Variants in GBF1 observed in about 807,000 individuals in gnomAD.
GBF1 encodes golgi brefeldin A resistant guanine nucleotide exchange factor 1.
Under a neutral mutation model 210.5 loss-of-function variants are expected in GBF1, and 114 were observed. The observed-to-expected ratio is 0.54, with a 90% CI of 0.47 to 0.63. The LOEUF is 0.63. Among genes scored for constraint, GBF1 ranks in the 30% least tolerant of loss-of-function variants. The pLI is 0.00. For synonymous variants in GBF1, 850 were observed against 889.2 expected, an observed-to-expected ratio of 0.96 and a Z score of 0.78; for missense variants, 1,851 against 2,357.7, an observed-to-expected ratio of 0.79 and a Z score of 4.45.
intron 3 of GBF1, among the ~76,000 whole-genome samples, chr10:102,334,721 CG>C (rs1565123077): frequency 1.3e-5 from 2 of 152,030 alleles, no homozygotes; most frequent in Non-Finnish European, 2.9e-5. Flanking sequence ...TGGTGGCTTG[CG>C]CCTGTAGTCC....
Position 102,284,132 on chromosome 10 carries a change from G to A in GBF1, c.163+24016G>A, listed in dbSNP as rs111766481. ...TCTACAAAAACTATAGAGGAGACAC[G>A]ACAGGCTTTAACTGGAAATTGTTCA... is the stretch of plus-strand genomic sequence containing the variant. On this transcript the variant is annotated intron_variant, in intron 3 of 39. Coordinates refer to ENST00000369983, the MANE Select transcript of GBF1 (RefSeq NM_001377137.1). Among the ~76,000 whole-genome samples, 12 of 152,266 alleles carry A rather than the reference G, an allele frequency of 7.9e-5. 1 individual carries two copies. The highest frequency in any genetic ancestry group is 2.4e-4 in the African/African-American group (10 of 41,552).
chr10:102,293,764 G>GTATTTTTTT (rs2076641356), intron 3 of GBF1, among the ~76,000 whole-genome samples: 1 of 50,888 alleles, frequency 2.0e-5, no homozygotes. Flanking sequence ...GCTGTAGTAT[G>GTATTTTTTT]TTTTGTGTTT....
intron 3 of GBF1, among the ~76,000 whole-genome samples, chr10:102,326,025 A>G (rs1198247375): frequency 6.6e-6 from 1 of 152,202 alleles, no homozygotes; most frequent in Non-Finnish European, 1.5e-5. Context: ...CCTATTTTAT[A>G]CGGAAAGAAC....
chr10:102,363,609 C>G lies in GBF1; in HGVS notation c.2018-101C>G. The G allele has an allele frequency of 1.2e-6, 1 of 856,968 alleles. No individual in the cohort carries two copies. The highest frequency in any genetic ancestry group is 2.0e-5 in the Admixed American group (1 of 49,758). The allele number at this position is 856,968 out of a possible 1,614,324, so 53.1% of individuals were successfully genotyped here. A position where few individuals can be genotyped will look rare whatever the true frequency, so the allele number is the denominator to read the frequency against. On this transcript the variant is annotated intron_variant, in intron 16 of 39. Coordinates refer to ENST00000369983, the MANE Select transcript of GBF1 (RefSeq NM_001377137.1). This position sits in a 1 kb window ranked among gnomAD's most constrained non-coding sequence, Gnocchi z 4.2. ...TGGTGAGGACAAGATTTCTGAGGCT[C>G]CTTCTTGAAACTGGGGAGTATATTG...
intron 18 of GBF1, among the ~76,000 whole-genome samples, chr10:102,365,918 GTGATAGAGCT>G (rs1565167791): frequency 0.011 from 1,613 of 151,984 alleles, 22 homozygotes; most frequent in African/African-American, 0.037. Context: ...TCATGCCACT[GTGATAGAGCT>G]GTGATAGAGT....
chr10:102,344,169 C>A lies in GBF1; in HGVS notation c.282C>A (p.Ser94=). The change falls in exon 4 of 40, where the codon TCC becomes TCA. Residue 94 remains serine, a synonymous_variant. Transcript: ENST00000369983. ...LALTSVNKFL[S]YALIDPTHEG... The stretch of plus-strand genomic sequence containing the variant: ...TCACCTCTGTCAACAAGTTCCTGTC[C>A]TATGCACTCATAGGTAAGAGCTCAG... 4 of 1,613,966 alleles carry A rather than the reference C, an allele frequency of 2.5e-6. No homozygotes were observed. The highest frequency in any genetic ancestry group is 2.5e-6 in the Non-Finnish European group (3 of 1,179,834).
At chr10:102,274,523 A>C (rs1034236747) in intron 3 of GBF1, among the ~76,000 whole-genome samples, 1 of 152,000 alleles carries the variant, frequency 6.6e-6, no homozygotes, top group Non-Finnish European at 1.5e-5. Context: ...CAGTCTGTGC[A>C]TCACAGACTG....
intron 39 of GBF1, 87 bp downstream of exon 39, chr10:102,381,342 G>C (rs891366537): frequency 7.1e-7 from 1 of 1,401,014 alleles, no homozygotes; most frequent in Non-Finnish European, 9.9e-7. Flanking sequence ...GAATGCTGCT[G>C]AGCAGGGTCT....
chr10:102,233,940 G>A, the GBF1 span, among the ~76,000 whole-genome samples: 3 of 152,188 alleles, frequency 2.0e-5, no homozygotes, highest in Non-Finnish European at 2.9e-5. Context: ...TGCGAGGAAG[G>A]GAAATGGGCA....
chr10:102,351,159 G>A, intron 4 of GBF1, 97 bp from the exon 5 acceptor site: 2 of 712,254 alleles, frequency 2.8e-6, no homozygotes, highest in Non-Finnish European at 5.0e-6. Context: ...TTAGGGAACT[G>A]AAGAGGAAAA....
chr10:102,301,656 C>G (rs1424673625), intron 3 of GBF1, among the ~76,000 whole-genome samples: 2 of 152,046 alleles, frequency 1.3e-5, no homozygotes. Context: ...GCGCTCCTCA[C>G]ATCCCAGATG....
intron 3 of GBF1, among the ~76,000 whole-genome samples, chr10:102,292,047 G>A (rs1035007263): frequency 4.6e-5 from 7 of 151,372 alleles, no homozygotes; most frequent in Non-Finnish European, 8.8e-5. Flanking sequence ...CCACCACCAC[G>A]CCCAGCTAAT....
chr10:102,367,241 GA>G, intron 20 of GBF1, 31 bp downstream of exon 20: 2 of 1,609,180 alleles, frequency 1.2e-6, no homozygotes, highest in Non-Finnish European at 1.7e-6. Context: ...AGGCAAAGAA[GA>G]CCCAGCACAG....
chr10:102,311,076 GT>G (rs1400197449), intron 3 of GBF1, among the ~76,000 whole-genome samples: 1 of 152,164 alleles, frequency 6.6e-6, no homozygotes, highest in Admixed American at 6.5e-5. Flanking sequence ...AGTACCCCAT[GT>G]CCAGGGAGCA....
intron 3 of GBF1, among the ~76,000 whole-genome samples, chr10:102,297,651 G>A (rs1261148085): frequency 6.6e-6 from 1 of 152,060 alleles, no homozygotes; most frequent in Admixed American, 6.5e-5. Flanking sequence ...TTTCCACTCA[G>A]ACCAAATGGA....
Position 102,379,272 on chromosome 10 carries a change from C to T in GBF1, c.4495-12C>T. 1 of 1,610,850 alleles carries T rather than the reference C, an allele frequency of 6.2e-7. No homozygotes were observed. The highest frequency in any genetic ancestry group is 8.5e-7 in the Non-Finnish European group (1 of 1,178,576). On this transcript the variant is annotated splice_polypyrimidine_tract_variant and intron_variant, in intron 33 of 39. Coordinates refer to ENST00000369983, the MANE Select transcript of GBF1 (RefSeq NM_001377137.1). The stretch of plus-strand genomic sequence containing the variant: ...AACCCCACTCACATCCTGCCCCCTC[C>T]TGTGATCCTAGTTGCTAGACCTGAT...
chr10:102,379,772 C>A, intron 35 of GBF1, 81 bp from the exon 36 acceptor site: 1 of 1,460,980 alleles, frequency 6.8e-7, no homozygotes, highest in Non-Finnish European at 9.6e-7. Context: ...CAGCTCTATG[C>A]CCATCCAGTT....
At chr10:102,277,380 T>C (rs1291166453) in intron 3 of GBF1, among the ~76,000 whole-genome samples, 1 of 150,564 alleles carries the variant, frequency 6.6e-6, no homozygotes, top group African/African-American at 2.4e-5. Flanking sequence ...GAGTAGGTTA[T>C]ATACATTGTG....
intron 1 of GBF1, among the ~76,000 whole-genome samples, chr10:102,257,874 C>CA (rs1213657781): frequency 6.6e-6 from 1 of 152,100 alleles, no homozygotes; most frequent in Admixed American, 6.6e-5. Flanking sequence ...GGATTATAGG[C>CA]ATGAGCCACC....
Sources: gnomAD v4.1 joint callset for allele counts (sites outside exome capture counted in the v4.1 genomes callset) on GRCh38, gnomAD v4.1.1 for gene constraint, Gnocchi (gnomAD v3.1) non-coding constraint, MANE v1.5 for transcripts, NCBI Gene and HGNC (gene_info 2026-07-23, HGNC 2026-07-21) for gene names.